The following RGL4 variants were observed in gnomAD, a reference collection of about 807,000 sequenced individuals.
RGL4 encodes the protein ral-GDS-related protein.
A neutral mutation model predicts 49.6 loss-of-function variants in RGL4; 41 were observed. The ratio of observed to expected loss-of-function variants is 0.83; its 90% confidence interval spans 0.64 to 1.07. RGL4 has a LOEUF of 1.07. Among genes scored for constraint, RGL4 ranks in the 50% least tolerant of loss-of-function variants. RGL4 has a pLI of 0.00. For synonymous variants in RGL4, 255 were observed against 238.0 expected (o/e 1.07, Z -0.66); for missense variants, 610 against 591.9 (o/e 1.03, Z -0.32).
chr22:23,693,034 G>A (rs1011599962), intron 3 of RGL4, 43 bp downstream of exon 3: 1 of 1,539,760 alleles, frequency 6.5e-7, no homozygotes, highest in Non-Finnish European at 8.8e-7. Flanking sequence ...GGCACCAGCT[G>A]TCTCAGACCA....
At chr22:23,696,891 G>T (rs1322053649) in intron 7 of RGL4, among the ~76,000 whole-genome samples, 2 of 152,234 alleles carry the variant, frequency 1.3e-5, no homozygotes, top group Admixed American at 1.3e-4. Flanking sequence ...ATGTGGGGAA[G>T]GGTAAAGCTG....
chr22:23,695,471 G>A, intron 6 of RGL4: 1 of 604,064 alleles, frequency 1.7e-6, no homozygotes, highest in Non-Finnish European at 2.8e-6. Context: ...TGCTGCTGCT[G>A]CTGCTGTCTG....
intron 7 of RGL4, 29 bp downstream of exon 7, chr22:23,696,717 G>A (rs377224219): frequency 2.1e-5 from 34 of 1,590,600 alleles, no homozygotes; most frequent in East Asian, 1.3e-4. Flanking sequence ...TGGACGGGCC[G>A]CAGGGGATCA....
chr22:23,694,036 C>T (rs1923324056), intron 4 of RGL4, 62 bp downstream of exon 4: 10 of 1,439,902 alleles, frequency 6.9e-6, no homozygotes, highest in Non-Finnish European at 9.7e-6. Flanking sequence ...TCTTCTCCTC[C>T]ATCGGCTTTC....
rs1481949072 is a variant in RGL4, at chr22:23,694,450, G to A, written c.1016G>A (p.Ser339Asn). Residue 339 changes from serine to asparagine, a missense_variant and splice_region_variant, in exon 5 of 11, where the codon AGC becomes AAC. Transcript: ENST00000290691. ...QLHKTWAGVS[S>N]KSMKELKELC... is the part of the protein sequence containing the mutation. ...CACAAGACGTGGGCAGGAGTGTCCA[G>A]GTGAGGAGGGCTCTCTCCATGGCAG... 2.5e-6 allele frequency: 4 copies of A among 1,603,660 alleles called. No homozygotes were observed. In the Admixed American group the frequency reaches 6.7e-5, roughly 27 times the overall value.
chr22:23,692,568 T>G (rs1475405066), intron 2 of RGL4, 40 bp downstream of exon 2: 1 of 1,590,962 alleles, frequency 6.3e-7, no homozygotes, highest in South Asian at 1.1e-5. Flanking sequence ...CCGGGGGTGG[T>G]GTTTTGGGGC....
At position 23,696,486 on chromosome 22, in the gene RGL4, G is replaced by A. The variant is rs757513746; in HGVS notation, c.1087-128G>A. 15 of 1,552,426 alleles carry A rather than the reference G, an allele frequency of 9.7e-6. No individual in the cohort carries two copies. The South Asian group carries it at 1.5e-4, about 16-fold the overall frequency. On this transcript the variant is annotated intron_variant, in intron 6 of 10. Transcript: ENST00000290691. ...TGACACACACAGGGAGTGTGGATCT[G>A]GGCCAGTGGTATGAGCACGGTGCCA...
In RGL4 at chr22:23,694,990, A is replaced by C; in HGVS notation, c.1057A>C (p.Thr353Pro). The C allele has an allele frequency of 1.9e-6, 3 of 1,613,470 alleles. No individual in the cohort carries two copies. Among genetic ancestry groups the C allele is most frequent in the Non-Finnish European group, 2.5e-6 (3 of 1,179,480 alleles). Residue 353 changes from threonine (T) to proline (P), a missense_variant, in exon 6 of 11, where the codon ACT (threonine) becomes CCT (proline). Coordinates refer to ENST00000290691, the MANE Select transcript of RGL4 (RefSeq NM_153615.2). ...KELKELCKKD[T>P]AVKRDLLIKA... ...GCTAAAAGAACTCTGCAAAAAAGAC[A>C]CTGCAGTGAAGAGGGACCTACTGAT...
At chr22:23,698,442 T>G in intron 10 of RGL4, 109 bp downstream of exon 10, 1 of 1,306,138 alleles carries the variant, frequency 7.7e-7, no homozygotes, top group Non-Finnish European at 1.1e-6. Context: ...CCATCTCTGT[T>G]CACTGCAACG....
At position 23,697,265 on chromosome 22, in the gene RGL4, G is replaced by C. The variant is rs764736172; in HGVS notation, c.1236+20G>C. On this transcript the variant is annotated intron_variant, in intron 8 of 10. Transcript: ENST00000290691. ...CTGGATGTGAGTGAGCCTGGGGCAG[G>C]GTGCTTGGGAACCAAGATCCTGAAG... The C allele has an allele frequency of 8.1e-6, 13 of 1,603,674 alleles. No individual in the cohort carries two copies. The highest frequency in any genetic ancestry group is 1.3e-5 in the African/African-American group (1 of 74,686).
Position 23,699,013 on chromosome 22 carries a change from T to C in RGL4, c.*130T>C. On this transcript the variant is annotated 3_prime_UTR_variant, in exon 11 of 11. Coordinates refer to ENST00000290691, the MANE Select transcript of RGL4 (RefSeq NM_153615.2). ...AGGAGGCTGGCAGCTCAGCTGCATC[T>C]TGCCCTGGATCCTCATCACCAACTG... 6.4e-7 allele frequency: 1 copy of C among 1,550,556 alleles called. No homozygotes were observed. The highest frequency in any genetic ancestry group is 8.7e-7 in the Non-Finnish European group (1 of 1,147,084).
chr22:23,698,238 G>A lies in RGL4; in HGVS notation c.1287G>A (p.Gln429=), dbSNP rs1923640328. Reference sequence around the variant, plus strand: ...AGGTCCGAGTTCTGCAGGAAATGCAGCTGCTCCAAGTGGCTGCCATGAATT... The same window carrying A: ...AGGTCCGAGTTCTGCAGGAAATGCAACTGCTCCAAGTGGCTGCCATGAATT... ...SKEVRVLQEM[Q]LLQVAAMNYR... The change falls in exon 10 of 11, where the codon CAG becomes CAA. Residue 429 remains glutamine, a synonymous_variant. Coordinates refer to ENST00000290691, the MANE Select transcript of RGL4 (RefSeq NM_153615.2). The A allele has an allele frequency of 6.2e-7, 1 of 1,609,346 alleles. No individual in the cohort carries two copies. Among genetic ancestry groups the A allele is most frequent in the Non-Finnish European group, 8.5e-7 (1 of 1,176,164 alleles).
chr22:23,692,830 G>A lies in RGL4; in HGVS notation c.535G>A (p.Gly179Arg), dbSNP rs753877584. Residue 179 changes from glycine (G) to arginine (R), a missense_variant, in exon 3 of 11, where the codon GGG (glycine) becomes AGG (arginine). Coordinates refer to ENST00000290691, the MANE Select transcript of RGL4 (RefSeq NM_153615.2). ...HSAPGPAPAP[G>R]EGPPPGTVLE... ...AGCACCAGGGCCAGCACCAGCACCA[G>A]GGGAAGGGCCCCCTCCAGGGACAGT... 5 of 1,613,580 alleles carry A rather than the reference G, an allele frequency of 3.1e-6. No homozygotes were observed. The African/African-American group carries it at 4.0e-5, about 13-fold the overall frequency.
intron 1 of RGL4, 51 bp from the exon 2 acceptor site, chr22:23,692,284 T>C: frequency 6.2e-7 from 1 of 1,608,578 alleles, no homozygotes; most frequent in African/African-American, 1.3e-5. Flanking sequence ...CCCTGGAGGG[T>C]TGTGTGGGAG....
chr22:23,693,865 C>T lies in RGL4; in HGVS notation c.803C>T (p.Ala268Val). The T allele has an allele frequency of 1.9e-6, 3 of 1,614,052 alleles. No individual in the cohort carries two copies. The highest frequency in any genetic ancestry group is 2.5e-6 in the Non-Finnish European group (3 of 1,180,036). Residue 268 changes from alanine (A) to valine (V), a missense_variant, in exon 4 of 11, where the codon GCA becomes GTA. Physicochemically the swap from Ala to Val is moderately conservative, Grantham distance 64 (BLOSUM62 0). Transcript: ENST00000290691. The part of the protein sequence containing the change: ...HMAPTVRATI[A>V]HFNRLTNCIT... ...GCACCCACAGTTCGTGCCACCATCG[C>T]ACACTTCAACAGGCTCACCAACTGC...
rs1461814424 is a variant in RGL4, at chr22:23,691,751, G to A, written c.-280G>A. ...CATGGGGGAAAATATGTGGACTCTG[G>A]CTGGGGAGAGACTAAAGGAGCTCTG... On this transcript the variant is annotated 5_prime_UTR_variant, in exon 1 of 11. The change creates a premature stop within an existing upstream ORF in the 5' untranslated region. Transcript: ENST00000290691. 22 of 353,656 alleles carry A rather than the reference G, an allele frequency of 6.2e-5. No individual in the cohort carries two copies. The highest frequency in any genetic ancestry group is 3.2e-5 in the Non-Finnish European group (6 of 190,404). 21.9% of individuals were successfully genotyped at this position (353,656 alleles called of 1,614,324 possible). A position where few individuals can be genotyped will look rare whatever the true frequency, so the allele number is the denominator to read the frequency against.
In RGL4 at chr22:23,693,002, G is replaced by C; in HGVS notation, c.696+11G>C. ...ACCCTCATGGATGCGGTGAGCAGCT[G>C]AGCTTTGCAGGCTGTGTCTCTGGCA... On this transcript the variant is annotated intron_variant, in intron 3 of 10. Transcript: ENST00000290691. The C allele has an allele frequency of 6.3e-7, 1 of 1,579,158 alleles. No individual in the cohort carries two copies. The highest frequency in any genetic ancestry group is 8.6e-7 in the Non-Finnish European group (1 of 1,159,702).
At chr22:23,694,125 T>TCA in intron 4 of RGL4, 151 bp downstream of exon 4, 1 of 775,002 alleles carries the variant, frequency 1.3e-6, no homozygotes, top group East Asian at 2.7e-5. Flanking sequence ...TCACCTTGAC[T>TCA]CCCACGGCCC....
Position 23,692,206 on chromosome 22 carries a change from T to C in RGL4, c.176T>C (p.Leu59Ser), listed in dbSNP as rs768532201. ...VCPFQDSTDGLRTITSILFNW... is the reference protein window; with the variant it reads ...VCPFQDSTDGSRTITSILFNW... ...CCCTTCCAGGACAGCACTGATGGCT[T>C]ACGGTAGGGTGGGGCTGTCCTCCAC... The change falls in exon 1 of 11, where the codon TTA becomes TCA. Residue 59 changes from leucine to serine, a missense_variant. Transcript: ENST00000290691. 3.2e-5 allele frequency: 52 copies of C among 1,612,512 alleles called. No individual in the cohort carries two copies. The highest frequency in any genetic ancestry group is 3.0e-4 in the Admixed American group (18 of 59,960).
Sources: allele counts gnomAD v4.1 joint callset (sites outside exome capture counted in the v4.1 genomes callset), GRCh38; gene constraint gnomAD v4.1.1; transcripts MANE v1.5; gene names NCBI Gene and HGNC (gene_info 2026-07-23, HGNC 2026-07-21).